EXOC4: variants seen among roughly 807,000 people sequenced by gnomAD.
EXOC4 encodes exocyst complex component 4, also known as SEC8-like 1.
In EXOC4, 71 loss-of-function variants were observed where a neutral mutation model predicts 107.2. The ratio of observed to expected loss-of-function variants is 0.66; its 90% CI spans 0.55 to 0.81. The LOEUF is 0.81. Among genes scored for constraint, EXOC4 ranks in the 30% least tolerant of loss-of-function variants. The pLI is 0.00. For synonymous variants in EXOC4, 456 were observed against 441.2 expected (o/e 1.03, Z -0.42); for missense variants, 1,108 against 1,189.6 (o/e 0.93, Z 1.01).
At chr7:133,778,416 T>A (rs777062693) in intron 10 of EXOC4, among the ~76,000 whole-genome samples, 10 of 152,088 alleles carry the variant, frequency 6.6e-5, no homozygotes, top group Non-Finnish European at 1.2e-4. Flanking sequence ...ATACGGAGAC[T>A]CTCTCTACAG....
intron 11 of EXOC4, among the ~76,000 whole-genome samples, chr7:133,818,778 G>A (rs1020846939): frequency 3.3e-5 from 5 of 152,094 alleles, no homozygotes; most frequent in Non-Finnish European, 7.4e-5. Flanking sequence ...GGCTTTTCCT[G>A]ACTGTCCTAC....
chr7:134,055,538 TC>T (rs1263374220), intron 17 of EXOC4, among the ~76,000 whole-genome samples: 2 of 152,166 alleles, frequency 1.3e-5, no homozygotes, highest in African/African-American at 4.8e-5. Context: ...CCATTCCTGT[TC>T]CCACTGACTG....
At position 133,698,337 on chromosome 7, in the gene EXOC4, T is replaced by G. The variant is rs137981441; in HGVS notation, c.1514+68196T>G. ...CATGCAGGCCAGTTGTGGTGACTCA[T>G]GCCTATAATCCCAGCACTTTGGGAG... On this transcript the variant is annotated intron_variant, in intron 10 of 17. Coordinates refer to ENST00000253861, the MANE Select transcript of EXOC4 (RefSeq NM_021807.4). 2.0e-5 allele frequency among the ~76,000 whole-genome samples: 3 copies of G among 152,200 alleles called. No homozygotes were observed. The East Asian group carries it at 5.8e-4, about 30-fold the overall frequency.
At chr7:133,565,744 GT>G (rs2065093313) in intron 9 of EXOC4, among the ~76,000 whole-genome samples, 1 of 151,744 alleles carries the variant, frequency 6.6e-6, no homozygotes, top group Non-Finnish European at 1.5e-5. Context: ...CTGGGTTTTT[GT>G]TTTTGTTTGA....
chr7:134,022,274 T>C (rs2042337996), intron 17 of EXOC4, among the ~76,000 whole-genome samples: 1 of 152,212 alleles, frequency 6.6e-6, no homozygotes, highest in African/African-American at 2.4e-5. Flanking sequence ...TCTTGGTGCA[T>C]AGTTCTCCAG....
chr7:133,743,168 G>A (rs1291706113), intron 10 of EXOC4, among the ~76,000 whole-genome samples: 2 of 152,136 alleles, frequency 1.3e-5, no homozygotes, highest in Admixed American at 6.6e-5. Context: ...ATTAACAAGA[G>A]ACAATCGATA....
intron 15 of EXOC4, among the ~76,000 whole-genome samples, chr7:134,003,890 C>T (rs1794583038): frequency 6.6e-6 from 1 of 152,144 alleles, no homozygotes; most frequent in Non-Finnish European, 1.5e-5. Flanking sequence ...TCAGCAGCTA[C>T]TAATATCTGC....
At chr7:133,511,977 T>C (rs776842440) in intron 9 of EXOC4, among the ~76,000 whole-genome samples, 6 of 152,214 alleles carry the variant, frequency 3.9e-5, no homozygotes, top group Non-Finnish European at 7.3e-5. Flanking sequence ...CATTCTTACT[T>C]TTCTCCTCCT....
At chr7:133,609,345 T>C (rs193155302) in intron 9 of EXOC4, among the ~76,000 whole-genome samples, 82 of 152,364 alleles carry the variant, frequency 5.4e-4, no homozygotes, top group African/African-American at 1.9e-3. Flanking sequence ...TTCAGATGTT[T>C]ATGCCAAATG....
At chr7:134,047,816 T>C (rs1795691888) in intron 17 of EXOC4, among the ~76,000 whole-genome samples, 1 of 152,256 alleles carries the variant, frequency 6.6e-6, no homozygotes, top group Non-Finnish European at 1.5e-5. Flanking sequence ...CTCTGTGCTC[T>C]TAGGTCCTGT....
chr7:133,515,396 T>C (rs1011554711), intron 9 of EXOC4, among the ~76,000 whole-genome samples: 28 of 152,076 alleles, frequency 1.8e-4, no homozygotes, highest in African/African-American at 6.8e-4. Flanking sequence ...TATGCACATA[T>C]ATACATATAT....
At chr7:133,756,718 C>G (rs1407390469) in intron 10 of EXOC4, among the ~76,000 whole-genome samples, 1 of 152,106 alleles carries the variant, frequency 6.6e-6, no homozygotes, top group East Asian at 1.9e-4. Context: ...GTATTCCCCA[C>G]CTAACAGGTG....
At chr7:133,790,790 C>T (rs1048546506) in intron 10 of EXOC4, among the ~76,000 whole-genome samples, 2 of 152,200 alleles carry the variant, frequency 1.3e-5, no homozygotes, top group Non-Finnish European at 2.9e-5. Flanking sequence ...GCTGGGGGCT[C>T]TCTGGAACCT....
intron 14 of EXOC4, among the ~76,000 whole-genome samples, chr7:133,960,118 G>GAATA (rs1227321230): frequency 2.6e-5 from 4 of 152,130 alleles, no homozygotes; most frequent in African/African-American, 9.7e-5. Flanking sequence ...GCCCAGAGAG[G>GAATA]AATAGCTGAT....
intron 10 of EXOC4, among the ~76,000 whole-genome samples, chr7:133,660,770 AG>A (rs1311473993): frequency 1.3e-5 from 2 of 152,168 alleles, no homozygotes; most frequent in East Asian, 3.9e-4. Flanking sequence ...ACTTCATTAA[AG>A]TTGAGTACAG....
chr7:134,089,561 CA>C, the EXOC4 span, among the ~76,000 whole-genome samples: 2 of 152,128 alleles, frequency 1.3e-5, no homozygotes, highest in Non-Finnish European at 2.9e-5. Context: ...GTAAAGCAGG[CA>C]AGTTGTACGG....
chr7:133,273,444 G>A (rs1793920279), intron 1 of EXOC4, among the ~76,000 whole-genome samples: 1 of 152,154 alleles, frequency 6.6e-6, no homozygotes, highest in South Asian at 2.1e-4. Context: ...ATCAAGTCTT[G>A]TGGTTCCCAG....
intron 17 of EXOC4, among the ~76,000 whole-genome samples, chr7:134,059,240 G>A (rs1365593833): frequency 4.6e-5 from 7 of 152,156 alleles, no homozygotes; most frequent in African/African-American, 7.2e-5. Context: ...AATTTGCAAA[G>A]AAGGGAACTG....
At chr7:133,941,281 G>A (rs1483011795) in intron 14 of EXOC4, among the ~76,000 whole-genome samples, 5 of 152,232 alleles carry the variant, frequency 3.3e-5, no homozygotes, top group African/African-American at 9.6e-5. Flanking sequence ...ACAGGCATGA[G>A]CCACTGCGCC....
Sources: allele counts gnomAD v4.1 joint callset (sites outside exome capture counted in the v4.1 genomes callset), GRCh38; gene constraint gnomAD v4.1.1; transcripts MANE v1.5; gene names NCBI Gene and HGNC (gene_info 2026-07-23, HGNC 2026-07-21).